The following DYM variants were observed in gnomAD, a reference collection of about 807,000 sequenced individuals.
DYM encodes the protein dyggve-Melchior-Clausen syndrome protein.
In DYM, 78 loss-of-function variants were observed where a neutral mutation model predicts 93.1. The observed-to-expected ratio is 0.84, with a 90% CI of 0.70 to 1.01. The LOEUF is 1.01. Among genes scored for constraint, DYM ranks in the 50% least tolerant of loss-of-function variants. The pLI is 0.00. For missense variants in DYM, 789 were observed against 845.0 expected, an observed-to-expected ratio of 0.93 and a Z score of 0.82; for synonymous variants, 321 against 319.7, an observed-to-expected ratio of 1.00 and a Z score of -0.04.
At chr18:49,198,143 T>C (rs2091651588) in intron 14 of DYM, among the ~76,000 whole-genome samples, 1 of 152,176 alleles carries the variant, frequency 6.6e-6, no homozygotes, top group African/African-American at 2.4e-5. Context: ...GGATTCCCTA[T>C]TTAATAAATG....
intron 14 of DYM, among the ~76,000 whole-genome samples, chr18:49,198,290 C>G (rs909684812): frequency 2.0e-5 from 3 of 152,052 alleles, no homozygotes; most frequent in African/African-American, 7.2e-5. Context: ...AGAAGAAAAC[C>G]TAGGCAATAC....
At chr18:49,263,956 G>C (rs2094530060) in intron 11 of DYM, among the ~76,000 whole-genome samples, 1 of 152,070 alleles carries the variant, frequency 6.6e-6, no homozygotes, top group Admixed American at 6.5e-5. Flanking sequence ...GATTAGCCTG[G>C]TATAGAGACC....
At chr18:49,211,720 C>A (rs752753901) in intron 13 of DYM, among the ~76,000 whole-genome samples, 1 of 152,134 alleles carries the variant, frequency 6.6e-6, no homozygotes, top group Non-Finnish European at 1.5e-5. Context: ...ACAATCTCTA[C>A]CCTTAGGGAG....
intron 1 of DYM, among the ~76,000 whole-genome samples, chr18:49,433,446 C>G (rs1230402001): frequency 1.3e-5 from 2 of 152,120 alleles, no homozygotes; most frequent in African/African-American, 4.8e-5. Flanking sequence ...TGAGTTAACT[C>G]TACTGAGAAG....
chr18:49,232,123 C>T (rs1020764857), intron 13 of DYM, among the ~76,000 whole-genome samples: 11 of 152,148 alleles, frequency 7.2e-5, no homozygotes, highest in African/African-American at 1.4e-4. Flanking sequence ...ACTATTCATC[C>T]GATAAGATCT....
chr18:49,106,340 G>A (rs989657015), intron 16 of DYM, among the ~76,000 whole-genome samples: 2 of 152,098 alleles, frequency 1.3e-5, no homozygotes, highest in African/African-American at 2.4e-5. Flanking sequence ...GCACACTGAT[G>A]GGTCTTGACT....
chr18:49,151,688 G>A (rs1453470061), intron 15 of DYM, among the ~76,000 whole-genome samples: 1 of 152,104 alleles, frequency 6.6e-6, no homozygotes, highest in Non-Finnish European at 1.5e-5. Flanking sequence ...TGACGCTTGA[G>A]GGGACTATGG....
chr18:49,317,301 A>T (rs1221564019), intron 8 of DYM, among the ~76,000 whole-genome samples: 3 of 152,214 alleles, frequency 2.0e-5, no homozygotes, highest in African/African-American at 7.2e-5. Flanking sequence ...TGGAGCCTTA[A>T]GTGGTTGATG....
At chr18:49,325,982 C>A (rs1240791072) in intron 8 of DYM, among the ~76,000 whole-genome samples, 1 of 152,194 alleles carries the variant, frequency 6.6e-6, no homozygotes, top group Non-Finnish European at 1.5e-5. Context: ...GAAAGGCCCA[C>A]AGCAGAAGAG....
intron 17 of DYM, among the ~76,000 whole-genome samples, chr18:49,047,410 CT>C (rs2071737844): frequency 6.6e-6 from 1 of 152,238 alleles, no homozygotes; most frequent in South Asian, 2.1e-4. Flanking sequence ...TAGCTGGGCT[CT>C]TTGGCCCAGT....
At chr18:49,092,157 A>G (rs2028966) in intron 17 of DYM, among the ~76,000 whole-genome samples, 151,655 of 152,354 alleles carry the variant, frequency 1, 75,487 homozygotes, top group East Asian at 1. Context: ...GAGTTTGAAA[A>G]CCACTAATTA....
chr18:49,298,674 G>T (rs1192262409), intron 8 of DYM, among the ~76,000 whole-genome samples: 1 of 150,886 alleles, frequency 6.6e-6, no homozygotes, highest in East Asian at 1.9e-4. Context: ...TTAATTCCTT[G>T]AAGAATAGAA....
chr18:49,401,068 G>A (rs2070759137), intron 2 of DYM, among the ~76,000 whole-genome samples: 1 of 152,040 alleles, frequency 6.6e-6, no homozygotes, highest in African/African-American at 2.4e-5. Flanking sequence ...ACAAAAGGGG[G>A]CAAAAAGGCA....
At chr18:49,328,912 A>G (rs2063112919) in intron 8 of DYM, among the ~76,000 whole-genome samples, 1 of 152,132 alleles carries the variant, frequency 6.6e-6, no homozygotes, top group Admixed American at 6.5e-5. Context: ...ACAACATTTG[A>G]CCCAGCCATC....
chr18:49,289,632 G>A (rs1259176496), intron 8 of DYM, among the ~76,000 whole-genome samples: 1 of 147,868 alleles, frequency 6.8e-6, no homozygotes, highest in Non-Finnish European at 1.5e-5. Context: ...GATCACTTGA[G>A]CCCAGGAGGT....
intron 17 of DYM, among the ~76,000 whole-genome samples, chr18:49,089,340 A>C (rs2078842206): frequency 6.6e-6 from 1 of 152,258 alleles, no homozygotes; most frequent in Admixed American, 6.5e-5. Context: ...AAAAGGCCAC[A>C]GACTTTATTA....
At chr18:49,228,780 TC>T (rs2093614592) in intron 13 of DYM, among the ~76,000 whole-genome samples, 1 of 152,024 alleles carries the variant, frequency 6.6e-6, no homozygotes, top group African/African-American at 2.4e-5. Context: ...ATGAAAGAGA[TC>T]ATGATGGGGG....
At chr18:49,353,584 T>C (rs1256821763) in intron 6 of DYM, among the ~76,000 whole-genome samples, 2 of 151,706 alleles carry the variant, frequency 1.3e-5, no homozygotes, top group East Asian at 1.9e-4. Context: ...TATAATAGAA[T>C]ATAGCAAGGG....
chr18:49,054,398 C>T (rs955783408), intron 17 of DYM, among the ~76,000 whole-genome samples: 3 of 152,058 alleles, frequency 2.0e-5, no homozygotes, highest in Non-Finnish European at 2.9e-5. Context: ...CATGCCACTA[C>T]GCCCGGCTAA....
Sources: gnomAD v4.1 joint callset for allele counts (sites outside exome capture counted in the v4.1 genomes callset) on GRCh38, gnomAD v4.1.1 for gene constraint, MANE v1.5 for transcripts, NCBI Gene and HGNC (gene_info 2026-07-23, HGNC 2026-07-21) for gene names.